PPP1R13B: variants seen among roughly 807,000 people sequenced by gnomAD.
The protein encoded by PPP1R13B is protein phosphatase 1 regulatory subunit 13B, also known as apoptosis-stimulating of p53 protein 1.
A neutral mutation model predicts 119.8 loss-of-function variants in PPP1R13B; 44 were observed. The ratio of observed to expected loss-of-function variants is 0.37; its 90% CI spans 0.29 to 0.47. The LOEUF is 0.47. Among genes scored for constraint, PPP1R13B ranks in the 20% least tolerant of loss-of-function variants. The probability of loss-of-function intolerance (pLI) is 0.99; values close to 1 mark genes in which losing one functional copy is unlikely to be tolerated. For missense variants in PPP1R13B, 1,227 were observed against 1,413.5 expected, an observed-to-expected ratio of 0.87 and a Z score of 2.12; for synonymous variants, 542 against 561.5, an observed-to-expected ratio of 0.97 and a Z score of 0.49.
intron 8 of PPP1R13B, among the ~76,000 whole-genome samples, chr14:103,748,066 T>C (rs970440295): frequency 1.1e-3 from 146 of 138,196 alleles, no homozygotes; most frequent in African/African-American, 1.6e-3. Context: ...TTAAATCACA[T>C]ACACACACAC....
At chr14:103,743,824 G>A (rs1377736430) in intron 9 of PPP1R13B, 10 of 152,304 alleles carry the variant, frequency 6.6e-5, no homozygotes, top group African/African-American at 2.4e-4. Flanking sequence ...GCTGCGCTCT[G>A]AGCGCCTGGG....
At chr14:103,756,512 C>G (rs1170129506) in intron 5 of PPP1R13B, among the ~76,000 whole-genome samples, 7 of 152,170 alleles carry the variant, frequency 4.6e-5, no homozygotes, top group Non-Finnish European at 8.8e-5. Context: ...GTTTCAATAA[C>G]CAGTGTAGAA....
At chr14:103,758,749 G>A (rs1237135250) in intron 4 of PPP1R13B, among the ~76,000 whole-genome samples, 1 of 152,176 alleles carries the variant, frequency 6.6e-6, no homozygotes, top group Non-Finnish European at 1.5e-5. Flanking sequence ...TGAGCAGGGA[G>A]GCCACACAGT....
intron 9 of PPP1R13B, among the ~76,000 whole-genome samples, chr14:103,743,341 G>A (rs573453816): frequency 3.9e-4 from 59 of 152,350 alleles, no homozygotes; most frequent in African/African-American, 1.2e-3. Flanking sequence ...GGAGGCCCGT[G>A]CAGGTTCCCA....
rs1195697065 is a variant in PPP1R13B at position 103,741,950 on chromosome 14, C to A, written c.1662G>T (p.Arg554Ser). 2.5e-6 allele frequency: 4 copies of A among 1,614,240 alleles called. No homozygotes were observed. The highest frequency in any genetic ancestry group is 3.4e-6 in the Non-Finnish European group (4 of 1,180,052). ...TTGACCCTTTATCAGCCAGGAAAGG[C>A]CTAATGGCCACTGTCAGTGGGAGTT... ...KPELPLTVAIRPFLADKGSRP... is the reference protein window; with the variant it reads ...KPELPLTVAISPFLADKGSRP... The change falls in exon 11 of 17, where the codon AGG (arginine) becomes AGT (serine). Residue 554 changes from arginine to serine, a missense_variant. By Grantham distance (110) the Arg-to-Ser change is moderately radical. Coordinates refer to ENST00000202556, the MANE Select transcript of PPP1R13B (RefSeq NM_015316.3).
In PPP1R13B at chr14:103,752,934, C is replaced by T; in HGVS notation, c.828+66G>A. On this transcript the variant is annotated intron_variant, in intron 7 of 16. Coordinates refer to ENST00000202556, the MANE Select transcript of PPP1R13B (RefSeq NM_015316.3). ...GTTTCCACTTCCTAAGGTTTCCAAC[C>T]CATGCTAATGAAAGATAGAAAGATG... 29 of 1,531,854 alleles carry T rather than the reference C, an allele frequency of 1.9e-5. No homozygotes were observed. The South Asian group carries it at 3.4e-4, about 18-fold the overall frequency. The allele number at this position is 1,531,854 out of a possible 1,614,324, so 94.9% of individuals were successfully genotyped here.
At chr14:103,788,040 G>T (rs1372580755) in intron 2 of PPP1R13B, among the ~76,000 whole-genome samples, 1 of 151,760 alleles carries the variant, frequency 6.6e-6, no homozygotes, top group East Asian at 1.9e-4. Flanking sequence ...TTGAGCCCAG[G>T]AGGTTGAAGC....
At chr14:103,792,358 T>C (rs1218622089) in intron 2 of PPP1R13B, among the ~76,000 whole-genome samples, 2 of 152,090 alleles carry the variant, frequency 1.3e-5, no homozygotes, top group African/African-American at 4.8e-5. Flanking sequence ...TTGTATTTTT[T>C]GTAGAGATGG....
At chr14:103,779,251 T>A (rs1252978010) in intron 3 of PPP1R13B, among the ~76,000 whole-genome samples, 1 of 152,000 alleles carries the variant, frequency 6.6e-6, no homozygotes, top group Admixed American at 6.6e-5. Flanking sequence ...ATTGGGCTAC[T>A]GCACAATCTT....
intron 1 of PPP1R13B, among the ~76,000 whole-genome samples, chr14:103,839,012 T>C (rs2086840992): frequency 6.6e-6 from 1 of 152,144 alleles, no homozygotes; most frequent in African/African-American, 2.4e-5. Flanking sequence ...TCTTTTTTTC[T>C]TTGAGACAGA....
intron 8 of PPP1R13B, among the ~76,000 whole-genome samples, chr14:103,749,534 G>T (rs1238797460): frequency 6.6e-6 from 1 of 152,210 alleles, no homozygotes; most frequent in African/African-American, 2.4e-5. Context: ...GTGAAGAGGA[G>T]ACAGAAACAC....
chr14:103,746,670 G>A (rs1466897064), intron 8 of PPP1R13B, 117 bp from the exon 9 acceptor site: 1 of 870,242 alleles, frequency 1.1e-6, no homozygotes, highest in Middle Eastern at 2.7e-4. Flanking sequence ...TGGTTTTTAG[G>A]AAGCCTGTCA....
chr14:103,771,988 T>C (rs1567111370), intron 4 of PPP1R13B, among the ~76,000 whole-genome samples: 1 of 152,168 alleles, frequency 6.6e-6, no homozygotes, highest in Non-Finnish European at 1.5e-5. Flanking sequence ...TCCTATCTCT[T>C]TGCCCCCCAC....
At position 103,740,509 on chromosome 14, in the gene PPP1R13B, G is replaced by A; in HGVS notation, c.1907C>T (p.Pro636Leu). Residue 636 changes from proline (P) to leucine (L), a missense_variant, in exon 12 of 17, where the codon CCA becomes CTA. Physicochemically the swap from Pro to Leu is moderately conservative, Grantham distance 98. Transcript: ENST00000202556. This position sits in a 1 kb window ranked among gnomAD's most constrained non-coding sequence, Gnocchi z 4.6. ...ACTTTCTGAAGGTGGCTGAGGCTGT[G>A]GTGTGCCCGTGGACAGTGACCCGTG... ...FLHGSLSTGT[P>L]QPQPPSESTE... The A allele has an allele frequency of 6.2e-7, 1 of 1,605,998 alleles. No homozygotes were observed. The highest frequency in any genetic ancestry group is 1.1e-5 in the South Asian group (1 of 90,586).
intron 3 of PPP1R13B, among the ~76,000 whole-genome samples, chr14:103,781,735 T>TCAGCTCG (rs2085340734): frequency 6.6e-6 from 1 of 152,176 alleles, no homozygotes; most frequent in African/African-American, 2.4e-5. Flanking sequence ...CGCTGCAAGC[T>TCAGCTCG]CTGCCTCCCG....
At chr14:103,806,132 C>T (rs984977807) in intron 1 of PPP1R13B, among the ~76,000 whole-genome samples, 4 of 152,124 alleles carry the variant, frequency 2.6e-5, no homozygotes, top group Non-Finnish European at 5.9e-5. Flanking sequence ...AATAGGAAGC[C>T]CAAGTTCTAT....
chr14:103,834,721 A>C (rs990085002), intron 1 of PPP1R13B, among the ~76,000 whole-genome samples: 6 of 150,908 alleles, frequency 4.0e-5, no homozygotes, highest in African/African-American at 1.5e-4. Context: ...CTCCTGAGTA[A>C]CTGGGATTAC....
In PPP1R13B at chr14:103,786,766, C is replaced by CAAA. The variant is rs1174732049; in HGVS notation, c.158-1855_158-1853dup. Among the ~76,000 whole-genome samples, 50 of 44,596 alleles carry CAAA rather than the reference C, an allele frequency of 1.1e-3. 9 individuals carry two copies. Among genetic ancestry groups the CAAA allele is most frequent in the South Asian group, 3.3e-3 (3 of 908 alleles). The allele number at this position is 44,596 out of a possible 152,430, so 29.3% of individuals were successfully genotyped here. A position where few individuals can be genotyped will look rare whatever the true frequency, so the allele number is the denominator to read the frequency against. On this transcript the variant is annotated intron_variant, in intron 2 of 16. Coordinates refer to ENST00000202556, the MANE Select transcript of PPP1R13B (RefSeq NM_015316.3). ...AGCAATAAGAGAGAAAACTCTGTCT[C>CAAA]AAAAAAAAAAAAAAAAAAAAAAGGC... is the stretch of plus-strand genomic sequence containing the variant.
At chr14:103,776,706 A>G (rs2085204766) in intron 4 of PPP1R13B, among the ~76,000 whole-genome samples, 1 of 152,040 alleles carries the variant, frequency 6.6e-6, no homozygotes, top group Admixed American at 6.5e-5. Flanking sequence ...CCCCATCTCT[A>G]TTAAAAATAC....
Sources: gnomAD v4.1 joint callset for allele counts (sites outside exome capture counted in the v4.1 genomes callset) on GRCh38, gnomAD v4.1.1 for gene constraint, Gnocchi (gnomAD v3.1) non-coding constraint, MANE v1.5 for transcripts, NCBI Gene and HGNC (gene_info 2026-07-23, HGNC 2026-07-21) for gene names.